The following CCDC57 variants were observed in gnomAD, a reference collection of about 807,000 sequenced individuals.
The protein encoded by CCDC57 is coiled-coil domain containing 57.
A neutral mutation model predicts 118.9 loss-of-function variants in CCDC57; 118 were observed. The ratio of observed to expected loss-of-function variants is 0.99; its 90% CI spans 0.86 to 1.16. The LOEUF (loss-of-function observed/expected upper bound fraction) is 1.16, where lower values mean the gene tolerates loss of function less well. CCDC57 is among the 50% of genes most tolerant of loss of function. The pLI is 0.00. For synonymous variants in CCDC57, 527 were observed against 532.9 expected, an observed-to-expected ratio of 0.99 and a Z score of 0.15; for missense variants, 1,300 against 1,320.7, an observed-to-expected ratio of 0.98 and a Z score of 0.24.
At chr17:82,184,956 A>T (rs1406148045) in intron 8 of CCDC57, 1 of 152,308 alleles carries the variant, frequency 6.6e-6, no homozygotes, top group Non-Finnish European at 1.5e-5. Flanking sequence ...AAACAGACTC[A>T]CCAACGGCCT....
chr17:82,171,677 TA>T, intron 13 of CCDC57, 23 bp downstream of exon 12: 1 of 1,601,504 alleles, frequency 6.2e-7, no homozygotes, highest in South Asian at 1.1e-5. Flanking sequence ...GGACAGCAAG[TA>T]CCCCACTGAG....
chr17:82,171,668 G>A (rs1247398085), intron 13 of CCDC57, 33 bp downstream of exon 12: 2 of 1,596,040 alleles, frequency 1.3e-6, no homozygotes, highest in African/African-American at 2.7e-5. Context: ...TTTATAAGGG[G>A]ACAGCAAGTA....
Position 82,188,385 on chromosome 17 carries a change from C to T in CCDC57, c.886G>A (p.Asp296Asn), listed in dbSNP as rs1418402179. The T allele has an allele frequency of 7.4e-6, 12 of 1,611,814 alleles. No individual in the cohort carries two copies. The highest frequency in any genetic ancestry group is 5.0e-5 in the Admixed American group (3 of 59,946). ...CCCTTCACCGCCACCAGCACTGCAT[C>T]CTTCTCCCTGGCCAGACGGTCGAGC... The change falls in exon 8 of 20, where the codon GAT (aspartate) becomes AAT (asparagine). Residue 296 changes from aspartate to asparagine, a missense_variant. By Grantham distance (23) the Asp-to-Asn change is conservative. Transcript: ENST00000665763.
chr17:82,188,495 C>T, intron 7 of CCDC57, 76 bp from the exon 7 acceptor site: 1 of 1,434,492 alleles, frequency 7.0e-7, no homozygotes, highest in Non-Finnish European at 9.4e-7. Context: ...TGGAGGCGTT[C>T]ATTGCCCTGT....
chr17:82,115,490 G>T (rs1466932464), intron 19 of CCDC57, among the ~76,000 whole-genome samples: 3 of 152,138 alleles, frequency 2.0e-5, no homozygotes, highest in African/African-American at 4.8e-5. Flanking sequence ...CATTTTATGG[G>T]CCAGGCATGG....
chr17:82,103,080 G>C (rs116461295), intron 19 of CCDC57, among the ~76,000 whole-genome samples: 1,525 of 152,226 alleles, frequency 0.01, 23 homozygotes, highest in African/African-American at 0.035. Context: ...AGCCTGTGTG[G>C]TCTGCGTGCA....
At chr17:82,171,732 C>G in exon 13 of CCDC57, 4 of 1,613,490 alleles carry the variant, frequency 2.5e-6, no homozygotes, top group Non-Finnish European at 3.4e-6. Flanking sequence ...GGACGCTGGG[C>G]TGAGACTCAG....
intron 16 of CCDC57, among the ~76,000 whole-genome samples, chr17:82,150,133 A>G (rs1159695469): frequency 2.3e-5 from 3 of 129,140 alleles, no homozygotes; most frequent in Non-Finnish European, 4.9e-5. Context: ...ACCCAGAACC[A>G]GGCGCACACC....
intron 19 of CCDC57, among the ~76,000 whole-genome samples, chr17:82,123,945 T>C (rs1409158902): frequency 8.3e-6 from 1 of 121,048 alleles, no homozygotes; most frequent in Non-Finnish European, 1.6e-5. Flanking sequence ...ATCATGAAGC[T>C]AGCACTCCTC....
At chr17:82,179,967 A>C (rs934130799) in intron 9 of CCDC57, among the ~76,000 whole-genome samples, 1 of 152,236 alleles carries the variant, frequency 6.6e-6, no homozygotes, top group African/African-American at 2.4e-5. Context: ...GCAGAATTCC[A>C]GGCTGTGGGT....
At chr17:82,115,327 CCTT>C (rs1447370655) in intron 19 of CCDC57, among the ~76,000 whole-genome samples, 1 of 152,166 alleles carries the variant, frequency 6.6e-6, no homozygotes, top group Non-Finnish European at 1.5e-5. Flanking sequence ...CGGCTTTTGT[CCTT>C]CTTTCCCTTT....
intron 17 of CCDC57, among the ~76,000 whole-genome samples, chr17:82,129,004 C>T (rs546849491): frequency 2.6e-5 from 4 of 152,016 alleles, no homozygotes; most frequent in African/African-American, 7.2e-5. Flanking sequence ...CTGCAACCTC[C>T]GCCTCCTGGG....
At chr17:82,108,284 C>T (rs908973657) in intron 19 of CCDC57, among the ~76,000 whole-genome samples, 4 of 152,212 alleles carry the variant, frequency 2.6e-5, no homozygotes, top group African/African-American at 9.6e-5. Context: ...GCTGAGAGAG[C>T]ACCTGACCTG....
intron 7 of CCDC57, among the ~76,000 whole-genome samples, chr17:82,193,054 G>GTGTTT (rs1555762645): frequency 1.3e-5 from 2 of 152,044 alleles, no homozygotes; most frequent in African/African-American, 2.4e-5. Flanking sequence ...TAAAAATTTT[G>GTGTTT]TGTTTTGTTT....
At chr17:82,160,011 A>AT (rs1055206638) in intron 14 of CCDC57, 1 of 115,506 alleles carries the variant, frequency 8.7e-6, no homozygotes, top group Non-Finnish European at 1.8e-5. Context: ...TCTTAGGAAG[A>AT]TTAAAAAAAA....
At chr17:82,121,813 G>T (rs1358374929) in intron 19 of CCDC57, among the ~76,000 whole-genome samples, 1 of 152,170 alleles carries the variant, frequency 6.6e-6, no homozygotes, top group African/African-American at 2.4e-5. Flanking sequence ...ATTTTAGTGA[G>T]GCGTGTCATT....
intron 8 of CCDC57, among the ~76,000 whole-genome samples, chr17:82,187,096 G>A (rs1042373351): frequency 1.7e-4 from 26 of 151,800 alleles, no homozygotes; most frequent in Middle Eastern, 3.2e-3. Flanking sequence ...AATTAGCCGG[G>A]CATAGTGGTA....
At chr17:82,134,343 A>G (rs1241155210) in intron 16 of CCDC57, 149 bp from the exon 16 acceptor site, 2 of 656,982 alleles carry the variant, frequency 3.0e-6, no homozygotes, top group Non-Finnish European at 4.3e-6. Flanking sequence ...AGGGCCGGAC[A>G]ACAGTGAACT....
In CCDC57 at chr17:82,198,426, T is replaced by C. The variant is rs749783183; in HGVS notation, c.408-4A>G. On this transcript the variant is annotated splice_polypyrimidine_tract_variant and splice_region_variant and intron_variant, in intron 3 of 19. Transcript: ENST00000665763. The stretch of plus-strand genomic sequence containing the variant: ...GTCAATCTCACCATTCTTGTCACTA[T>C]GGTAATAAAACAGCATTAAGAAAAG... The C allele has an allele frequency of 2.5e-6, 4 of 1,578,010 alleles. No individual in the cohort carries two copies. Among genetic ancestry groups the C allele is most frequent in the East Asian group, 4.5e-5 (2 of 44,572 alleles).
Sources: allele counts gnomAD v4.1 joint callset (sites outside exome capture counted in the v4.1 genomes callset), GRCh38; gene constraint gnomAD v4.1.1; transcripts MANE v1.5; gene names NCBI Gene and HGNC (gene_info 2026-07-23, HGNC 2026-07-21).